IPO11: variants seen among roughly 807,000 people sequenced by gnomAD.
IPO11 encodes the protein importin-11.
In IPO11, 66 loss-of-function variants were observed where a neutral mutation model predicts 143.2. The observed-to-expected ratio is 0.46, with a 90% confidence interval of 0.38 to 0.57. The LOEUF is 0.57. Among genes scored for constraint, IPO11 ranks in the 20% least tolerant of loss-of-function variants. IPO11 has a pLI of 0.00. For missense variants in IPO11, 1,026 were observed against 1,141.0 expected (o/e 0.90, Z 1.45); for synonymous variants, 385 against 377.8 (o/e 1.02, Z -0.22).
intron 3 of IPO11, among the ~76,000 whole-genome samples, chr5:62,444,250 G>T: frequency 6.6e-6 from 1 of 151,918 alleles, no homozygotes; most frequent in Non-Finnish European, 1.5e-5. Flanking sequence ...TTGCCATCTT[G>T]CCCCGCTGAT....
In IPO11 at chr5:62,532,072, C is replaced by T. The variant is rs1014425444; in HGVS notation, c.2089+1287C>T. Among the ~76,000 whole-genome samples the T allele has an allele frequency of 2.0e-5, 3 of 152,300 alleles. No individual in the cohort carries two copies. In the South Asian group the frequency reaches 6.2e-4, roughly 32 times the overall value. ...CTAAGATTAGACACCTCAGCCAGCCCTTTTACCAACTTTGTCGTGAACAAC... is the reference window on the plus strand; with the variant it reads ...CTAAGATTAGACACCTCAGCCAGCCTTTTTACCAACTTTGTCGTGAACAAC... On this transcript the variant is annotated intron_variant, in intron 22 of 29. Coordinates refer to ENST00000325324, the MANE Select transcript of IPO11 (RefSeq NM_016338.5).
intron 27 of IPO11, among the ~76,000 whole-genome samples, chr5:62,590,215 AC>A (rs1489693153): frequency 6.6e-6 from 1 of 151,834 alleles, no homozygotes; most frequent in Non-Finnish European, 1.5e-5. Flanking sequence ...AAAGTGGAAA[AC>A]TATTTTTTTT....
At chr5:62,444,721 T>G (rs1451228345) in intron 3 of IPO11, among the ~76,000 whole-genome samples, 2 of 151,958 alleles carry the variant, frequency 1.3e-5, no homozygotes, top group East Asian at 3.9e-4. Context: ...ATACAAAAAT[T>G]AGCCAGGTGT....
chr5:62,476,628 GTTGTC>G, intron 8 of IPO11, 50 bp from the exon 9 acceptor site: 7 of 1,454,220 alleles, frequency 4.8e-6, no homozygotes, highest in Middle Eastern at 1.8e-4. Context: ...AAATTTTGAT[GTTGTC>G]TTGGTTGTGA....
intron 1 of IPO11, among the ~76,000 whole-genome samples, chr5:62,426,931 GTTTTTTTTTTT>G (rs763031944): frequency 6.6e-5 from 6 of 90,244 alleles, no homozygotes; most frequent in South Asian, 8.6e-4. Context: ...TTTTCTTTCT[GTTTTTTTTTTT>G]TTTTTTTTTT....
chr5:62,606,480 TAAAAAAAAAAAAA>T (rs760722973), intron 29 of IPO11, among the ~76,000 whole-genome samples: 51 of 56,108 alleles, frequency 9.1e-4, no homozygotes, highest in African/African-American at 3.9e-3. Flanking sequence ...GACCCTGTCT[TAAAAAAAAAAAAA>T]AAAAAAAAAA....
Position 62,423,079 on chromosome 5 carries a change from T to G in IPO11, c.-7+10150T>G, listed in dbSNP as rs535851095. 2.0e-5 allele frequency among the ~76,000 whole-genome samples: 3 copies of G among 152,332 alleles called. No individual in the cohort carries two copies. The East Asian group carries it at 5.8e-4, about 29-fold the overall frequency. On this transcript the variant is annotated intron_variant, in intron 1 of 29. Transcript: ENST00000325324. ...AAAAGTATTATTAAATTTTGTTGGC[T>G]TGATATGCTCCATTTCAGTATAGGA...
At chr5:62,579,497 A>G (rs1226332507) in intron 27 of IPO11, 1 of 1,550,720 alleles carries the variant, frequency 6.4e-7, no homozygotes, top group African/African-American at 1.4e-5. Flanking sequence ...GTTACCTGTT[A>G]TCTTTTATTA....
intron 16 of IPO11, among the ~76,000 whole-genome samples, chr5:62,499,571 T>G (rs1297577315): frequency 1.7e-5 from 2 of 117,942 alleles, no homozygotes; most frequent in African/African-American, 6.8e-5. Flanking sequence ...TACTCTAACT[T>G]TTTTTTTTTT....
intron 29 of IPO11, among the ~76,000 whole-genome samples, chr5:62,610,639 T>G (rs1745893366): frequency 6.6e-6 from 1 of 151,882 alleles, no homozygotes; most frequent in Non-Finnish European, 1.5e-5. Context: ...TGTTTACTCT[T>G]AGTTAAGTAA....
intron 22 of IPO11, among the ~76,000 whole-genome samples, chr5:62,531,083 G>A (rs561777005): frequency 6.6e-6 from 1 of 152,228 alleles, no homozygotes; most frequent in South Asian, 2.1e-4. Context: ...ATGTCCTTGA[G>A]TACTCAATGT....
At chr5:62,482,156 T>C (rs1187215935) in intron 9 of IPO11, among the ~76,000 whole-genome samples, 1 of 152,174 alleles carries the variant, frequency 6.6e-6, no homozygotes, top group Non-Finnish European at 1.5e-5. Context: ...TTTTTTATTG[T>C]GTCTGTTTGA....
chr5:62,554,691 T>C (rs1357712822), intron 26 of IPO11, among the ~76,000 whole-genome samples: 3 of 150,442 alleles, frequency 2.0e-5, no homozygotes, highest in Non-Finnish European at 3.0e-5. Context: ...ATATACTGTA[T>C]TTGTTATACA....
chr5:62,614,580 G>T lies in IPO11; in HGVS notation c.2764-12574G>T, dbSNP rs186016346. Among the ~76,000 whole-genome samples the T allele has an allele frequency of 2.0e-5, 3 of 152,156 alleles. No homozygotes were observed. In the East Asian group the frequency reaches 5.8e-4, roughly 29 times the overall value. On this transcript the variant is annotated intron_variant, in intron 29 of 29. Transcript: ENST00000325324. Reference sequence around the variant, plus strand: ...ACAGGGGTGTGACTCATCCACAAGTGCTCAAGCCCCTTATGGGAGGGTGAG... The same window carrying T: ...ACAGGGGTGTGACTCATCCACAAGTTCTCAAGCCCCTTATGGGAGGGTGAG...
chr5:62,452,644 T>C (rs1744975560), intron 5 of IPO11, among the ~76,000 whole-genome samples: 2 of 143,794 alleles, frequency 1.4e-5, no homozygotes, highest in Non-Finnish European at 1.5e-5. Flanking sequence ...TTTTGCACCT[T>C]TTTTTTGGTT....
chr5:62,546,094 C>T (rs184911108), intron 24 of IPO11, among the ~76,000 whole-genome samples: 339 of 152,292 alleles, frequency 2.2e-3, no homozygotes, highest in African/African-American at 7.7e-3. Context: ...CGTCCCATTA[C>T]TGGAGATATA....
intron 29 of IPO11, among the ~76,000 whole-genome samples, chr5:62,623,907 G>T (rs1351951608): frequency 6.6e-6 from 1 of 152,070 alleles, no homozygotes; most frequent in Non-Finnish European, 1.5e-5. Flanking sequence ...ACAGGCGTGA[G>T]CCACAATGCC....
chr5:62,600,918 A>C (rs1745483896), intron 28 of IPO11, among the ~76,000 whole-genome samples: 1 of 152,250 alleles, frequency 6.6e-6, no homozygotes, highest in African/African-American at 2.4e-5. Flanking sequence ...GAGCCTGATC[A>C]AGTTTTCTGG....
Position 62,514,146 on chromosome 5 carries a change from G to A in IPO11, c.1783-1242G>A, listed in dbSNP as rs553514879. On this transcript the variant is annotated intron_variant, in intron 19 of 29. Transcript: ENST00000325324. ...CAGAGGGGCTCCTCACATCCCAGACGATGGGCAGCCAGGCAGAGACGCTCC... is the reference window on the plus strand; with the variant it reads ...CAGAGGGGCTCCTCACATCCCAGACAATGGGCAGCCAGGCAGAGACGCTCC... Among the ~76,000 whole-genome samples the A allele has an allele frequency of 4.1e-4, 62 of 150,818 alleles. No homozygotes were observed. In the East Asian group the frequency reaches 7.9e-3, roughly 19 times the overall value.
Sources: gnomAD v4.1 joint callset for allele counts (sites outside exome capture counted in the v4.1 genomes callset) on GRCh38, gnomAD v4.1.1 for gene constraint, MANE v1.5 for transcripts, NCBI Gene and HGNC (gene_info 2026-07-23, HGNC 2026-07-21) for gene names.